The following GUCY1A2 variants were observed in gnomAD, a reference collection of about 807,000 sequenced individuals.
The protein encoded by GUCY1A2 is guanylate cyclase soluble subunit alpha-2.
GUCY1A2 carries 27 observed loss-of-function variants against 63.5 expected under a neutral mutation model. That is an observed-to-expected ratio of 0.43 (90% CI 0.31 to 0.59). GUCY1A2 has a LOEUF of 0.59. GUCY1A2 is among the 20% of genes least tolerant of loss of function. The pLI, the probability that GUCY1A2 is intolerant of heterozygous loss-of-function variation, is 0.11. For synonymous variants in GUCY1A2, 364 were observed against 343.5 expected (o/e 1.06, Z -0.66); for missense variants, 768 against 913.3 (o/e 0.84, Z 2.05).
chr11:106,840,744 T>C (rs1859184806), intron 4 of GUCY1A2, among the ~76,000 whole-genome samples: 2 of 151,958 alleles, frequency 1.3e-5, no homozygotes. Flanking sequence ...AAAGAACACT[T>C]GCCAATTTCC....
chr11:107,013,459 A>G (rs1173727381), intron 1 of GUCY1A2, among the ~76,000 whole-genome samples: 1 of 152,224 alleles, frequency 6.6e-6, no homozygotes, highest in Non-Finnish European at 1.5e-5. Context: ...GTTGCTTAAT[A>G]TGTATTCCCA....
At chr11:106,715,058 GCTAT>G (rs372788058) in intron 6 of GUCY1A2, among the ~76,000 whole-genome samples, 35 of 152,208 alleles carry the variant, frequency 2.3e-4, no homozygotes, top group Middle Eastern at 3.4e-3. Context: ...GTGAGGTTAG[GCTAT>G]CTATCACCCA....
intron 1 of GUCY1A2, 34 bp downstream of exon 1, chr11:107,017,719 C>A (rs558616767): frequency 4.7e-6 from 6 of 1,279,130 alleles, no homozygotes; most frequent in South Asian, 3.6e-5. Context: ...GTTCTCTCCC[C>A]CGAAGGCGGT....
At chr11:106,729,638 C>T (rs1863465686) in intron 6 of GUCY1A2, among the ~76,000 whole-genome samples, 1 of 151,954 alleles carries the variant, frequency 6.6e-6, no homozygotes, top group Non-Finnish European at 1.5e-5. Context: ...AATATCAGCA[C>T]AGCAAAAAAT....
chr11:106,841,185 C>G (rs1859191902), intron 4 of GUCY1A2, among the ~76,000 whole-genome samples: 1 of 151,782 alleles, frequency 6.6e-6, no homozygotes, highest in African/African-American at 2.4e-5. Context: ...TACGCCCCTG[C>G]AAACACCCTC....
chr11:106,756,939 T>A (rs1202540460), intron 6 of GUCY1A2, among the ~76,000 whole-genome samples: 4 of 152,148 alleles, frequency 2.6e-5, no homozygotes, highest in African/African-American at 4.8e-5. Context: ...TCCTGAAGAG[T>A]GTTTTCTAAC....
rs951860073 is a variant in GUCY1A2, at chr11:106,869,340, C to A, written c.1207-58862G>T. On this transcript the variant is annotated intron_variant, in intron 4 of 7. Transcript: ENST00000526355. The stretch of plus-strand genomic sequence containing the variant: ...ACAGGCAACCTACAGAATGGGAGAA[C>A]ATTTTTGCAATCTGCTCATCTGACA... Among the ~76,000 whole-genome samples the A allele has an allele frequency of 7.9e-5, 12 of 152,128 alleles. 2 individuals carry two copies. Among genetic ancestry groups the A allele is most frequent in the African/African-American group, 1.2e-4 (5 of 41,512 alleles).
chr11:106,747,688 A>G (rs952801919), intron 6 of GUCY1A2, among the ~76,000 whole-genome samples: 3 of 152,182 alleles, frequency 2.0e-5, no homozygotes, highest in Non-Finnish European at 2.9e-5. Context: ...AGATTTGGTG[A>G]AATATTGATA....
chr11:106,982,032 CATT>C (rs1861343457), intron 2 of GUCY1A2, among the ~76,000 whole-genome samples: 1 of 152,098 alleles, frequency 6.6e-6, no homozygotes, highest in Admixed American at 6.6e-5. Context: ...TGACTTCATA[CATT>C]ATTATCATTA....
intron 6 of GUCY1A2, among the ~76,000 whole-genome samples, chr11:106,732,335 T>C (rs1364665468): frequency 2.6e-5 from 4 of 152,134 alleles, no homozygotes; most frequent in Non-Finnish European, 5.9e-5. Context: ...TGCAGAAGAC[T>C]TAAACTAGAC....
intron 4 of GUCY1A2, among the ~76,000 whole-genome samples, chr11:106,897,415 G>C (rs1860065575): frequency 6.6e-6 from 1 of 152,096 alleles, no homozygotes; most frequent in Non-Finnish European, 1.5e-5. Context: ...GAAAAATAAA[G>C]TTGGAGGACT....
chr11:107,010,881 C>A (rs1249483853), intron 1 of GUCY1A2, among the ~76,000 whole-genome samples: 2 of 152,168 alleles, frequency 1.3e-5, no homozygotes, highest in Non-Finnish European at 2.9e-5. Context: ...AGGCGCCCAC[C>A]ACCACGCCTG....
Position 106,674,339 on chromosome 11 carries a change from G to C in GUCY1A2, c.*13210C>G, listed in dbSNP as rs1055923956. The C allele has an allele frequency of 3.9e-5, 7 of 179,152 alleles. No homozygotes were observed. Among genetic ancestry groups the C allele is most frequent in the African/African-American group, 1.7e-4 (7 of 42,336 alleles). 11.1% of individuals were successfully genotyped at this position (179,152 alleles called of 1,614,324 possible). A position where few individuals can be genotyped will look rare whatever the true frequency, so the allele number is the denominator to read the frequency against. ...GTGGTGTTACATGAAAATCAAAGAA[G>C]ATATTGTGGATATTTATAATCTTAT... On this transcript the variant is annotated 3_prime_UTR_variant, in exon 8 of 8. Coordinates refer to ENST00000526355, the MANE Select transcript of GUCY1A2 (RefSeq NM_000855.3).
rs1861285444 is a variant in GUCY1A2, at chr11:106,978,046, T to C, written c.487+573A>G. On this transcript the variant is annotated intron_variant, in intron 3 of 7. Transcript: ENST00000526355. ...TACGGCTGTATAATTGGCTGCAATT[T>C]ACAACAGTACCTTTTAGCCATGTTG... Among the ~76,000 whole-genome samples, 2 of 152,152 alleles carry C rather than the reference T, an allele frequency of 1.3e-5. 1 individual carries two copies. The highest frequency in any genetic ancestry group is 4.2e-4 in the South Asian group (2 of 4,818).
intron 4 of GUCY1A2, among the ~76,000 whole-genome samples, chr11:106,873,538 CAT>C (rs1283850836): frequency 4.6e-5 from 7 of 152,106 alleles, no homozygotes; most frequent in African/African-American, 7.2e-5. Context: ...GAACTTTTTT[CAT>C]ATGTTTCTTG....
At chr11:106,776,868 A>G (rs1864366203) in intron 5 of GUCY1A2, among the ~76,000 whole-genome samples, 1 of 152,202 alleles carries the variant, frequency 6.6e-6, no homozygotes, top group South Asian at 2.1e-4. Flanking sequence ...CAGGACTGTC[A>G]GTATTTTGCC....
intron 6 of GUCY1A2, among the ~76,000 whole-genome samples, chr11:106,720,318 C>T (rs1179577065): frequency 6.6e-6 from 1 of 152,106 alleles, no homozygotes; most frequent in African/African-American, 2.4e-5. Context: ...CAAAGGCAAA[C>T]GACTTTGTCT....
At chr11:106,808,299 G>A (rs1468247964) in intron 5 of GUCY1A2, among the ~76,000 whole-genome samples, 1 of 151,910 alleles carries the variant, frequency 6.6e-6, no homozygotes, top group Non-Finnish European at 1.5e-5. Flanking sequence ...TAAACATTTT[G>A]TAAGTTAAAA....
chr11:106,734,929 G>A (rs1863563377), intron 6 of GUCY1A2, among the ~76,000 whole-genome samples: 1 of 151,864 alleles, frequency 6.6e-6, no homozygotes, highest in Non-Finnish European at 1.5e-5. Flanking sequence ...GAAGGAAAAA[G>A]GTGTGTTTTA....
Sources: allele counts gnomAD v4.1 joint callset (sites outside exome capture counted in the v4.1 genomes callset), GRCh38; gene constraint gnomAD v4.1.1; transcripts MANE v1.5; gene names NCBI Gene and HGNC (gene_info 2026-07-23, HGNC 2026-07-21).